Variants in TTYH2 observed in about 807,000 individuals in gnomAD.
TTYH2 encodes the protein protein tweety homolog 2.
TTYH2 carries 49 observed loss-of-function variants against 68.3 expected under a neutral mutation model. That is an observed-to-expected ratio of 0.72 (90% CI 0.57 to 0.91). The LOEUF (loss-of-function observed/expected upper bound fraction) is 0.91, where lower values mean the gene tolerates loss of function less well. Ranked by LOEUF, TTYH2 falls within the 40% of genes least tolerant of loss-of-function variation. TTYH2 has a pLI of 0.00. For synonymous variants in TTYH2, 272 were observed against 300.8 expected (o/e 0.90, Z 0.99); for missense variants, 631 against 700.4 (o/e 0.90, Z 1.12).
chr17:74,230,805 C>T, intron 2 of TTYH2, 83 bp from the exon 3 acceptor site: 2 of 1,435,640 alleles, frequency 1.4e-6, no homozygotes, highest in Non-Finnish European at 1.9e-6. Flanking sequence ...CCACCGCACC[C>T]AACCCTAAGC....
chr17:74,240,970 AGGC>A (rs1408061232), intron 4 of TTYH2: 1 of 152,210 alleles, frequency 6.6e-6, no homozygotes, highest in African/African-American at 2.4e-5. Context: ...TGCAGAGCGG[AGGC>A]GAGTGGTGAG....
At chr17:74,228,773 C>G (rs1268963896) in intron 2 of TTYH2, among the ~76,000 whole-genome samples, 1 of 152,108 alleles carries the variant, frequency 6.6e-6, no homozygotes, top group Non-Finnish European at 1.5e-5. Flanking sequence ...AGGCATGACC[C>G]CTGCTGCGCT....
In TTYH2 at chr17:74,215,671, A is replaced by G. The variant is rs1278760901; in HGVS notation, c.129+1955A>G. Reference sequence around the variant, plus strand: ...GATGAGCGTGGTGGGCCAGGACCGGAAGTCTGGCTCTGGGTGTTATTTAAG... The same window carrying G: ...GATGAGCGTGGTGGGCCAGGACCGGGAGTCTGGCTCTGGGTGTTATTTAAG... On this transcript the variant is annotated intron_variant, in intron 1 of 13. Transcript: ENST00000269346. The surrounding 1 kb of genome is among the most constrained non-coding windows in gnomAD (Gnocchi z 4.3). 8.5e-6 allele frequency: 13 copies of G among 1,535,500 alleles called. No homozygotes were observed. The highest frequency in any genetic ancestry group is 8.7e-7 in the Non-Finnish European group (1 of 1,146,912).
rs62063450 is a variant in TTYH2 at position 74,232,774 on chromosome 17, G to A, written c.414+1775G>A. 3.3e-5 allele frequency among the ~76,000 whole-genome samples: 5 copies of A among 152,180 alleles called. No individual in the cohort carries two copies. The highest frequency in any genetic ancestry group is 1.9e-4 in the East Asian group (1 of 5,188). On this transcript the variant is annotated intron_variant, in intron 3 of 13. Transcript: ENST00000269346. The surrounding 1 kb of genome is among the most constrained non-coding windows in gnomAD (Gnocchi z 5.1). ...AAGGCACCAGGGCCATGACCTTCAC[G>A]GGTTTAGAGAAACTCCCAGAACTCC... is the stretch of plus-strand genomic sequence containing the variant.
rs1198326871 is a variant in TTYH2, at chr17:74,232,400, G to A, written c.414+1401G>A. Among the ~76,000 whole-genome samples, 5 of 152,176 alleles carry A rather than the reference G, an allele frequency of 3.3e-5. No individual in the cohort carries two copies. The highest frequency in any genetic ancestry group is 2.1e-4 in the South Asian group (1 of 4,832). Reference sequence around the variant, plus strand: ...GGTCCTTTGCAGAGTTCATTCCACCGCCCGTGTCCACTGGGACCCATCCCC... The same window carrying A: ...GGTCCTTTGCAGAGTTCATTCCACCACCCGTGTCCACTGGGACCCATCCCC... On this transcript the variant is annotated intron_variant, in intron 3 of 13. Transcript: ENST00000269346. This position sits in a 1 kb window ranked among gnomAD's most constrained non-coding sequence, Gnocchi z 5.1.
chr17:74,215,608 G>C lies in TTYH2; in HGVS notation c.129+1892G>C. 1 of 1,534,732 alleles carries C rather than the reference G, an allele frequency of 6.5e-7. No homozygotes were observed. Among genetic ancestry groups the C allele is most frequent in the Non-Finnish European group, 8.7e-7 (1 of 1,146,456 alleles). On this transcript the variant is annotated intron_variant, in intron 1 of 13. Transcript: ENST00000269346. The surrounding 1 kb of genome is among the most constrained non-coding windows in gnomAD (Gnocchi z 4.3). ...GCCCTGCCCACTGGCTCCTGGTCCC[G>C]CTCACCCCCTCACCACCACTCAGAT...
At chr17:74,226,574 C>T (rs1167503777) in intron 2 of TTYH2, among the ~76,000 whole-genome samples, 1 of 152,036 alleles carries the variant, frequency 6.6e-6, no homozygotes, top group Non-Finnish European at 1.5e-5. Context: ...GAAGGAGAGT[C>T]GGGACAGCAG....
chr17:74,243,173 T>C (rs572870701), intron 4 of TTYH2, among the ~76,000 whole-genome samples: 25 of 152,166 alleles, frequency 1.6e-4, no homozygotes, highest in Admixed American at 8.5e-4. Context: ...GGGGTGTGAA[T>C]TGACAGCTTT....
intron 3 of TTYH2, among the ~76,000 whole-genome samples, chr17:74,236,503 G>A (rs1368559496): frequency 2.6e-5 from 4 of 152,216 alleles, no homozygotes; most frequent in Admixed American, 6.5e-5. Context: ...GGGTGTCTCT[G>A]TATATAGTAA....
intron 8 of TTYH2, among the ~76,000 whole-genome samples, chr17:74,249,621 G>C (rs1470582400): frequency 2.6e-5 from 4 of 152,208 alleles, no homozygotes; most frequent in Non-Finnish European, 5.9e-5. Context: ...CCATGCAGAT[G>C]CTGTCCAGGA....
Position 74,217,704 on chromosome 17 carries a change from C to T in TTYH2, c.129+3988C>T, listed in dbSNP as rs993926662. Among the ~76,000 whole-genome samples, 17 of 152,224 alleles carry T rather than the reference C, an allele frequency of 1.1e-4. No homozygotes were observed. The South Asian group carries it at 2.3e-3, about 20-fold the overall frequency. ...CTCCCCCTGAGACCGGCACACCTCT[C>T]TCTATGTCTTCTGGGGCCAGGGCTG... is the stretch of plus-strand genomic sequence containing the variant. On this transcript the variant is annotated intron_variant, in intron 1 of 13. Coordinates refer to ENST00000269346, the MANE Select transcript of TTYH2 (RefSeq NM_032646.6). This position sits in a 1 kb window ranked among gnomAD's most constrained non-coding sequence, Gnocchi z 4.0.
rs925490882 is a variant in TTYH2 at position 74,244,527 on chromosome 17, A to G, written c.804+478A>G. Among the ~76,000 whole-genome samples, 5 of 152,124 alleles carry G rather than the reference A, an allele frequency of 3.3e-5. No homozygotes were observed. In the South Asian group the frequency reaches 6.2e-4, roughly 19 times the overall value. On this transcript the variant is annotated intron_variant, in intron 6 of 13. Coordinates refer to ENST00000269346, the MANE Select transcript of TTYH2 (RefSeq NM_032646.6). ...GGTGTCTGACTTGCCTTCCATCCCAATGTCCCAGGACTCCCGCGGTCTGAA... is the reference window on the plus strand; with the variant it reads ...GGTGTCTGACTTGCCTTCCATCCCAGTGTCCCAGGACTCCCGCGGTCTGAA...
Position 74,213,696 on chromosome 17 carries a change from G to C in TTYH2, c.109G>C (p.Gly37Arg). 3.1e-6 allele frequency: 5 copies of C among 1,612,408 alleles called. No individual in the cohort carries two copies. The highest frequency in any genetic ancestry group is 4.2e-6 in the Non-Finnish European group (5 of 1,179,402). ...LQPVNSTFSP[G>R]DESYQESLLF... ...GCCCGTGAACAGCACCTTCAGCCCCGGCGACGAGAGTTACCAGGAGGTAAG... is the reference window on the plus strand; with the variant it reads ...GCCCGTGAACAGCACCTTCAGCCCCCGCGACGAGAGTTACCAGGAGGTAAG... Residue 37 changes from glycine (G) to arginine (R), a missense_variant, in exon 1 of 14, where the codon GGC becomes CGC. By Grantham distance (125) the Gly-to-Arg change is moderately radical (BLOSUM62 -2). Coordinates refer to ENST00000269346, the MANE Select transcript of TTYH2 (RefSeq NM_032646.6). This position sits in a 1 kb window ranked among gnomAD's most constrained non-coding sequence, Gnocchi z 6.1.
rs937605008 is a variant in TTYH2, at chr17:74,239,733, G to C, written c.635+2219G>C. Among the ~76,000 whole-genome samples the C allele has an allele frequency of 4.6e-5, 7 of 152,192 alleles. No individual in the cohort carries two copies. Among genetic ancestry groups the C allele is most frequent in the African/African-American group, 1.7e-4 (7 of 41,446 alleles). On this transcript the variant is annotated intron_variant, in intron 4 of 13. Coordinates refer to ENST00000269346, the MANE Select transcript of TTYH2 (RefSeq NM_032646.6). This position sits in a 1 kb window ranked among gnomAD's most constrained non-coding sequence, Gnocchi z 5.3. ...TGGCCCCACTCCCCAGCAGATGGAT[G>C]CTCATGGGCAAAAGAGCCTCCCTCC...
In TTYH2 at chr17:74,241,267, G is replaced by A. The variant is rs1051443519; in HGVS notation, c.636-2107G>A. ...CAGACCCGGTATTTATAATACGTGTGTGTGTGTGTGTGTGTGTGTGTGTGT... is the reference window on the plus strand; with the variant it reads ...CAGACCCGGTATTTATAATACGTGTATGTGTGTGTGTGTGTGTGTGTGTGT... On this transcript the variant is annotated intron_variant, in intron 4 of 13. Transcript: ENST00000269346. The surrounding 1 kb of genome is among the most constrained non-coding windows in gnomAD (Gnocchi z 4.1). Among the ~76,000 whole-genome samples, 67 of 85,398 alleles carry A rather than the reference G, an allele frequency of 7.8e-4. No homozygotes were observed. Among genetic ancestry groups the A allele is most frequent in the African/African-American group, 3.3e-3 (62 of 18,800 alleles). 56.0% of individuals were successfully genotyped at this position (85,398 alleles called of 152,430 possible).
chr17:74,226,407 C>T (rs1422405271), intron 2 of TTYH2, among the ~76,000 whole-genome samples: 3 of 151,504 alleles, frequency 2.0e-5, no homozygotes, highest in Non-Finnish European at 2.9e-5. Context: ...CACTGGGCAG[C>T]GTGTTCCAGG....
chr17:74,252,060 T>G, intron 10 of TTYH2, 174 bp from the exon 11 acceptor site: 1 of 738,154 alleles, frequency 1.4e-6, no homozygotes, highest in Non-Finnish European at 2.2e-6. Context: ...AGAAGCCCCA[T>G]TGTGTTAGGC....
rs2050439428 is a variant in TTYH2, at chr17:74,235,969, G to A, written c.415-1325G>A. ...GCTACTCTGGCACACTGCCTAGAGG[G>A]TAGCCCTGCTCTGCAAGGAGCAGTA... is the stretch of plus-strand genomic sequence containing the variant. On this transcript the variant is annotated intron_variant, in intron 3 of 13. Coordinates refer to ENST00000269346, the MANE Select transcript of TTYH2 (RefSeq NM_032646.6). Among the ~76,000 whole-genome samples the A allele has an allele frequency of 3.3e-5, 5 of 152,172 alleles. No homozygotes were observed. The South Asian group carries it at 8.3e-4, about 25-fold the overall frequency.
intron 13 of TTYH2, among the ~76,000 whole-genome samples, chr17:74,255,128 C>A (rs2050680015): frequency 6.6e-6 from 1 of 152,244 alleles, no homozygotes; most frequent in Non-Finnish European, 1.5e-5. Context: ...TGTAAACAGA[C>A]AGTGAAGTGA....
Sources: gnomAD v4.1 joint callset for allele counts (sites outside exome capture counted in the v4.1 genomes callset) on GRCh38, gnomAD v4.1.1 for gene constraint, Gnocchi (gnomAD v3.1) non-coding constraint, MANE v1.5 for transcripts, NCBI Gene and HGNC (gene_info 2026-07-23, HGNC 2026-07-21) for gene names.